The following DLG2 variants were observed in gnomAD, a reference collection of about 807,000 sequenced individuals.
DLG2 encodes the protein disks large homolog 2.
In DLG2, 45 loss-of-function variants were observed where a neutral mutation model predicts 132.5. That is an observed-to-expected ratio of 0.34 (90% CI 0.27 to 0.44). The LOEUF (loss-of-function observed/expected upper bound fraction) is 0.44. DLG2 is among the 20% of genes least tolerant of loss of function. The probability of loss-of-function intolerance (pLI) is 1.00; values close to 1 mark genes in which losing one functional copy is unlikely to be tolerated. For missense variants in DLG2, 1,045 were observed against 1,196.9 expected (o/e 0.87, Z 1.87); for synonymous variants, 424 against 419.6 (o/e 1.01, Z -0.13).
chr11:83,668,776 CATAT>C (rs1483339591), intron 18 of DLG2, among the ~76,000 whole-genome samples: 1 of 125,296 alleles, frequency 8.0e-6, no homozygotes, highest in African/African-American at 3.1e-5. Flanking sequence ...TATAAACACA[CATAT>C]ATATGTGTAT....
At chr11:85,056,954 C>T (rs1160177389) in intron 6 of DLG2, among the ~76,000 whole-genome samples, 1 of 151,738 alleles carries the variant, frequency 6.6e-6, no homozygotes, top group Non-Finnish European at 1.5e-5. Context: ...AAAGAGAGTA[C>T]TTCAGGTAGA....
intron 11 of DLG2, among the ~76,000 whole-genome samples, chr11:84,011,491 T>TAAATA: frequency 6.7e-6 from 1 of 149,234 alleles, no homozygotes; most frequent in Non-Finnish European, 1.5e-5. Flanking sequence ...ATAAATAAAT[T>TAAATA]AATTAATTAA....
At chr11:84,793,891 C>G (rs754048837) in intron 6 of DLG2, among the ~76,000 whole-genome samples, 3 of 152,072 alleles carry the variant, frequency 2.0e-5, no homozygotes, top group African/African-American at 7.2e-5. Context: ...GTTCATTTAT[C>G]TTTGATGTTA....
At chr11:84,037,924 A>G (rs930243244) in intron 11 of DLG2, among the ~76,000 whole-genome samples, 6 of 152,046 alleles carry the variant, frequency 3.9e-5, no homozygotes, top group Non-Finnish European at 8.8e-5. Context: ...CTCTTTGCAT[A>G]TCTTTGCTCA....
chr11:84,462,042 TG>T (rs1461063392), intron 7 of DLG2, among the ~76,000 whole-genome samples: 1 of 151,044 alleles, frequency 6.6e-6, no homozygotes, highest in Non-Finnish European at 1.5e-5. Flanking sequence ...AGTAGATTCT[TG>T]ACTTCTCTAT....
chr11:83,499,203 A>G (rs1367986447), intron 21 of DLG2, among the ~76,000 whole-genome samples: 3 of 152,178 alleles, frequency 2.0e-5, no homozygotes, highest in African/African-American at 7.2e-5. Context: ...AACTTATTCT[A>G]TGAGGCCAGT....
chr11:85,069,903 C>G (rs2065542770), intron 6 of DLG2, among the ~76,000 whole-genome samples: 12 of 152,046 alleles, frequency 7.9e-5, no homozygotes, highest in Admixed American at 7.9e-4. Flanking sequence ...GGAACCAACC[C>G]AAGTGTCCAT....
intron 6 of DLG2, among the ~76,000 whole-genome samples, chr11:84,737,169 T>A (rs2063946510): frequency 6.6e-6 from 1 of 152,126 alleles, no homozygotes; most frequent in South Asian, 2.1e-4. Flanking sequence ...TTTTTGAATG[T>A]TAAACAATCC....
chr11:85,395,579 G>A (rs886702890), intron 3 of DLG2, among the ~76,000 whole-genome samples: 3 of 152,188 alleles, frequency 2.0e-5, no homozygotes, highest in African/African-American at 7.2e-5. Flanking sequence ...CACAGTCCTA[G>A]CAACCAGCAG....
intron 7 of DLG2, among the ~76,000 whole-genome samples, chr11:84,270,746 G>A (rs867659788): frequency 2.0e-4 from 30 of 152,254 alleles, no homozygotes; most frequent in Admixed American, 7.2e-4. Context: ...ACTTGCTTAC[G>A]ACCTTTTCAG....
chr11:84,603,325 A>G (rs2154534804), intron 6 of DLG2, among the ~76,000 whole-genome samples: 1 of 152,114 alleles, frequency 6.6e-6, no homozygotes, highest in Admixed American at 6.6e-5. Flanking sequence ...ATATTTCTAA[A>G]TGAAAAAATG....
In DLG2 at chr11:84,545,461, C is replaced by T. The variant is rs187236989; in HGVS notation, c.358-10730G>A. The T allele has an allele frequency of 1.4e-5, 6 of 427,300 alleles. No individual in the cohort carries two copies. In the East Asian group the frequency reaches 3.6e-4, roughly 26 times the overall value. 26.5% of individuals were successfully genotyped at this position (427,300 alleles called of 1,614,324 possible). On this transcript the variant is annotated intron_variant, in intron 6 of 27. Transcript: ENST00000376104. ...CCACAATCATAGTTCATACCAAAAC[C>T]ACCTCCACAACCACCACCAAAGCAT... is the stretch of plus-strand genomic sequence containing the variant.
intron 11 of DLG2, among the ~76,000 whole-genome samples, chr11:83,999,709 T>G (rs2094241175): frequency 6.6e-6 from 1 of 152,158 alleles, no homozygotes; most frequent in South Asian, 2.1e-4. Context: ...ATCCTCCACT[T>G]ATAACTGCAC....
chr11:85,600,469 G>A (rs750668989), intron 2 of DLG2, among the ~76,000 whole-genome samples: 4 of 152,158 alleles, frequency 2.6e-5, no homozygotes, highest in Admixed American at 2.6e-4. Context: ...GCACCTACAC[G>A]CACATGAGTT....
chr11:83,785,570 A>C (rs1476602041), intron 18 of DLG2, among the ~76,000 whole-genome samples: 1 of 152,254 alleles, frequency 6.6e-6, no homozygotes, highest in African/African-American at 2.4e-5. Flanking sequence ...ATTTTGAATA[A>C]ATTAATTTCA....
At chr11:84,132,148 TG>T (rs780178160) in intron 9 of DLG2, among the ~76,000 whole-genome samples, 2 of 152,140 alleles carry the variant, frequency 1.3e-5, no homozygotes, top group Non-Finnish European at 2.9e-5. Flanking sequence ...ACCTGTTTTT[TG>T]TTCTGGCTTT....
intron 3 of DLG2, among the ~76,000 whole-genome samples, chr11:85,321,479 C>T (rs893753909): frequency 2.6e-5 from 4 of 151,956 alleles, no homozygotes; most frequent in Non-Finnish European, 4.4e-5. Flanking sequence ...AATAATCTAG[C>T]GAGTATGTAC....
At chr11:84,700,113 T>C (rs987606323) in intron 6 of DLG2, among the ~76,000 whole-genome samples, 1 of 151,706 alleles carries the variant, frequency 6.6e-6, no homozygotes. Context: ...TCCTTTACTT[T>C]CTTTGCTATT....
At chr11:84,220,773 T>C (rs140838007) in intron 8 of DLG2, among the ~76,000 whole-genome samples, 2,685 of 136,832 alleles carry the variant, frequency 0.02, 91 homozygotes, top group African/African-American at 0.067. Context: ...TTTTTTCTTT[T>C]TCTTTTCTTT....
Sources: allele counts gnomAD v4.1 joint callset (sites outside exome capture counted in the v4.1 genomes callset), GRCh38; gene constraint gnomAD v4.1.1; transcripts MANE v1.5; gene names NCBI Gene and HGNC (gene_info 2026-07-23, HGNC 2026-07-21).